USP30: variants seen among roughly 807,000 people sequenced by gnomAD.
USP30 encodes ubiquitin carboxyl-terminal hydrolase 30.
Under a neutral mutation model 68.2 loss-of-function variants are expected in USP30, and 41 were observed. The ratio of observed to expected loss-of-function variants is 0.60; its 90% CI spans 0.47 to 0.78. USP30 has a LOEUF of 0.78. Ranked by LOEUF, USP30 falls within the 30% of genes least tolerant of loss-of-function variation. USP30 has a pLI of 0.00. For synonymous variants in USP30, 229 were observed against 253.7 expected (o/e 0.90, Z 0.93); for missense variants, 522 against 649.4 (o/e 0.80, Z 2.13).
At chr12:109,037,006 AT>A (rs1396025940) in intron 3 of USP30, among the ~76,000 whole-genome samples, 1 of 151,636 alleles carries the variant, frequency 6.6e-6, no homozygotes, top group Non-Finnish European at 1.5e-5. Context: ...TTCTTCAGGT[AT>A]TTTTTCTTCC....
intron 1 of USP30, among the ~76,000 whole-genome samples, chr12:109,056,003 C>G (rs1371520899): frequency 1.3e-5 from 2 of 152,050 alleles, no homozygotes; most frequent in African/African-American, 2.4e-5. Context: ...AAGCAGTGAT[C>G]TGGGGGAAGA....
At chr12:109,066,182 GT>G (rs1414176198) in intron 3 of USP30, among the ~76,000 whole-genome samples, 4 of 147,646 alleles carry the variant, frequency 2.7e-5, no homozygotes, top group Non-Finnish European at 5.9e-5. Context: ...GGCCCAGGAG[GT>G]CAAGGCTGCA....
intron 3 of USP30, among the ~76,000 whole-genome samples, chr12:109,031,133 T>G (rs570650676): frequency 6.6e-6 from 1 of 152,340 alleles, no homozygotes; most frequent in East Asian, 1.9e-4. Context: ...CTTAATATAG[T>G]ATATTTTATA....
At chr12:109,072,166 A>G in intron 5 of USP30, 139 bp from the exon 6 acceptor site, 5 of 707,024 alleles carry the variant, frequency 7.1e-6, no homozygotes, top group Non-Finnish European at 1.2e-5. Flanking sequence ...GGCTACCTTT[A>G]GAAACCTGAG....
chr12:109,044,842 G>C (rs1044846087), intron 3 of USP30, among the ~76,000 whole-genome samples: 43 of 152,012 alleles, frequency 2.8e-4, no homozygotes, highest in African/African-American at 1.0e-3. Context: ...CTCTCACAGA[G>C]ATACCCAAGT....
At chr12:109,044,262 G>A (rs2135676062) in intron 3 of USP30, among the ~76,000 whole-genome samples, 1 of 152,324 alleles carries the variant, frequency 6.6e-6, no homozygotes, top group Non-Finnish European at 1.5e-5. Context: ...TTTTAGTTTT[G>A]CAGATGGAGA....
intron 2 of USP30, among the ~76,000 whole-genome samples, chr12:109,057,215 TC>T (rs35976007): frequency 6.6e-6 from 1 of 152,066 alleles, no homozygotes; most frequent in Admixed American, 6.6e-5. Flanking sequence ...TTTTTAATGC[TC>T]CCTTTTGAAA....
chr12:109,080,947 A>G (rs2041778480), intron 7 of USP30, among the ~76,000 whole-genome samples: 2 of 152,230 alleles, frequency 1.3e-5, no homozygotes, highest in African/African-American at 4.8e-5. Context: ...CACAATGATG[A>G]CATCACCTAA....
chr12:109,080,268 A>C (rs548470119), intron 7 of USP30, among the ~76,000 whole-genome samples: 2 of 152,050 alleles, frequency 1.3e-5, no homozygotes, highest in African/African-American at 4.8e-5. Context: ...TGACCACTCA[A>C]TCCTGTAGGA....
At chr12:109,038,267 GTAAA>G (rs1192697509) in intron 3 of USP30, among the ~76,000 whole-genome samples, 1 of 142,794 alleles carries the variant, frequency 7.0e-6, no homozygotes, top group African/African-American at 2.6e-5. Context: ...TTGTAAGCAT[GTAAA>G]TATGTGGTGT....
chr12:109,071,579 A>G (rs2041443559), intron 4 of USP30, 33 bp from the exon 5 acceptor site: 1 of 1,597,956 alleles, frequency 6.3e-7, no homozygotes, highest in Non-Finnish European at 8.6e-7. Context: ...TGCCTCTTCC[A>G]ACCTCTCTAA....
upstream of USP30, among the ~76,000 whole-genome samples, chr12:109,050,139 C>A (rs2040646160): frequency 6.6e-6 from 1 of 152,042 alleles, no homozygotes; most frequent in African/African-American, 2.4e-5. Context: ...ACTAAAAATA[C>A]AAAAATTAAC....
chr12:109,054,404 C>G (rs2040774953), intron 1 of USP30, among the ~76,000 whole-genome samples: 1 of 151,836 alleles, frequency 6.6e-6, no homozygotes, highest in Admixed American at 6.6e-5. Flanking sequence ...AGCTGTGGTC[C>G]CAGCTACTTG....
intron 3 of USP30, among the ~76,000 whole-genome samples, chr12:109,034,811 T>C (rs1289240620): frequency 1.3e-5 from 2 of 152,216 alleles, no homozygotes; most frequent in Non-Finnish European, 2.9e-5. Context: ...TATTGTTAAG[T>C]GCATGTATGA....
chr12:109,081,536 T>C (rs2041794709), intron 8 of USP30, 143 bp downstream of exon 8: 3 of 886,188 alleles, frequency 3.4e-6, no homozygotes, highest in Non-Finnish European at 5.3e-6. Context: ...TTTCATATGG[T>C]GGCATGATTA....
At chr12:109,042,944 A>G (rs2040575025) in intron 3 of USP30, among the ~76,000 whole-genome samples, 1 of 152,214 alleles carries the variant, frequency 6.6e-6, no homozygotes, top group Non-Finnish European at 1.5e-5. Context: ...AATCCATTGC[A>G]TTTCTAGATA....
chr12:109,072,282 T>G lies in USP30; in HGVS notation c.580-23T>G, dbSNP rs184446337. 4.1e-4 allele frequency: 418 copies of G among 1,028,974 alleles called. 1 individual carries two copies. The African/African-American group carries it at 5.6e-3, about 14-fold the overall frequency. The allele number at this position is 1,028,974 out of a possible 1,614,324, so 63.7% of individuals were successfully genotyped here. On this transcript the variant is annotated intron_variant, in intron 5 of 12. Transcript: ENST00000257548. ...GGATTATAGTAAGGTTTTCAGTCTG[T>G]TTTTTTTTTTTCTCCCCTACAGCAG...
Position 109,085,855 on chromosome 12 carries a change from G to C in USP30, c.1478G>C (p.Ser493Thr). ...KASLQEVLSSSAYLLFYERVL... is the reference protein window; with the variant it reads ...KASLQEVLSSTAYLLFYERVL... ...AGCCTGCAGGAGGTCCTGTCCTCCA[G>C]CGCCTACCTGCTGTTCTACGAGCGC... is the stretch of plus-strand genomic sequence containing the variant. Residue 493 changes from serine to threonine, a missense_variant, in exon 13 of 13, where the codon AGC (serine) becomes ACC (threonine). Ser to Thr is a moderately conservative substitution (Grantham distance 58). Transcript: ENST00000257548. 6.2e-7 allele frequency: 1 copy of C among 1,614,242 alleles called. No individual in the cohort carries two copies. The highest frequency in any genetic ancestry group is 2.2e-5 in the East Asian group (1 of 44,888).
intron 8 of USP30, 43 bp from the exon 9 acceptor site, chr12:109,081,890 C>T: frequency 1.9e-6 from 3 of 1,575,116 alleles, no homozygotes; most frequent in Non-Finnish European, 2.6e-6. Context: ...TTCAGTATAG[C>T]TGTCCTTTGA....
Sources: allele counts gnomAD v4.1 joint callset (sites outside exome capture counted in the v4.1 genomes callset), GRCh38; gene constraint gnomAD v4.1.1; transcripts MANE v1.5; gene names NCBI Gene and HGNC (gene_info 2026-07-23, HGNC 2026-07-21).